Variants in ELF2 observed in about 807,000 individuals in gnomAD.
ELF2 encodes the protein E74 like ETS transcription factor 2, also known as ETS-related transcription factor Elf-2.
In ELF2, 11 loss-of-function variants were observed where a neutral mutation model predicts 54.8. The observed-to-expected ratio is 0.20, with a 90% confidence interval of 0.13 to 0.33. ELF2 has a LOEUF of 0.33. ELF2 is among the 10% of genes least tolerant of loss of function. The pLI, the probability that ELF2 is intolerant of heterozygous loss-of-function variation, is 1.00. For missense variants in ELF2, 513 were observed against 703.0 expected, an observed-to-expected ratio of 0.73 and a Z score of 3.06; for synonymous variants, 203 against 245.1, an observed-to-expected ratio of 0.83 and a Z score of 1.61.
At chr4:139,068,173 A>G (rs1728993123) in intron 6 of ELF2, among the ~76,000 whole-genome samples, 1 of 152,084 alleles carries the variant, frequency 6.6e-6, no homozygotes, top group Non-Finnish European at 1.5e-5. Flanking sequence ...GGCGCCTGCT[A>G]CCACACCCAG....
At chr4:139,137,915 G>A in intron 2 of ELF2, 48 bp from the exon 3 acceptor site, 1 of 1,225,074 alleles carries the variant, frequency 8.2e-7, no homozygotes, top group Non-Finnish European at 1.0e-6. Flanking sequence ...TTACAGGAAG[G>A]ACATAAATAA....
chr4:139,104,734 T>C (rs1476778945), intron 4 of ELF2, among the ~76,000 whole-genome samples: 4 of 152,144 alleles, frequency 2.6e-5, no homozygotes, highest in Admixed American at 2.6e-4. Context: ...AAATTAAAAA[T>C]AATGAGATTT....
intron 4 of ELF2, among the ~76,000 whole-genome samples, chr4:139,087,526 C>T (rs1247502128): frequency 6.6e-6 from 1 of 152,160 alleles, no homozygotes; most frequent in Admixed American, 6.5e-5. Context: ...AGTACAGTGG[C>T]GCGATCTCGG....
At chr4:139,151,031 AAAAAG>A (rs1560870945) in intron 1 of ELF2, among the ~76,000 whole-genome samples, 1 of 118,336 alleles carries the variant, frequency 8.5e-6, no homozygotes, top group South Asian at 2.5e-4. Context: ...CTCAAAAAAA[AAAAAG>A]AAAGAAAGAA....
At chr4:139,089,963 T>G (rs1732404607) in intron 4 of ELF2, among the ~76,000 whole-genome samples, 1 of 152,210 alleles carries the variant, frequency 6.6e-6, no homozygotes. Flanking sequence ...TGGGTCTCAC[T>G]CTGTCACTGA....
intron 4 of ELF2, among the ~76,000 whole-genome samples, chr4:139,111,355 A>AC (rs1734926592): frequency 6.9e-6 from 1 of 144,948 alleles, no homozygotes; most frequent in South Asian, 2.4e-4. Flanking sequence ...AAAATGATAT[A>AC]CTTTTTTTTT....
rs185874933 is a variant in ELF2 at position 139,147,950 on chromosome 4, C to T, written c.-251-8453G>A. 1.7e-4 allele frequency among the ~76,000 whole-genome samples: 26 copies of T among 151,816 alleles called. 1 individual carries two copies. In the East Asian group the frequency reaches 4.3e-3, roughly 25 times the overall value. ...TACAGGCATGCGCCACCAGGCCCAG[C>T]TAATTTTGTATTTTTAGTAGAGACA... On this transcript the variant is annotated intron_variant, in intron 1 of 9. Transcript: ENST00000686138.
chr4:139,102,142 T>G (rs1288228033), intron 4 of ELF2: 1 of 152,110 alleles, frequency 6.6e-6, no homozygotes, highest in Non-Finnish European at 1.5e-5. Flanking sequence ...ATCCTGCCTT[T>G]ATTTTCCAAC....
intron 1 of ELF2, among the ~76,000 whole-genome samples, chr4:139,150,007 C>A (rs1739703227): frequency 6.6e-6 from 1 of 152,170 alleles, no homozygotes; most frequent in South Asian, 2.1e-4. Flanking sequence ...CCAGTCTGGG[C>A]AACATGGTGA....
chr4:139,092,969 T>C (rs1422100742), intron 4 of ELF2, among the ~76,000 whole-genome samples: 2 of 149,698 alleles, frequency 1.3e-5, no homozygotes, highest in African/African-American at 2.4e-5. Flanking sequence ...TAAATAATTT[T>C]TTTTTTTTTT....
intron 4 of ELF2, among the ~76,000 whole-genome samples, chr4:139,121,145 G>A (rs1301100717): frequency 9.6e-6 from 1 of 103,998 alleles, no homozygotes; most frequent in Non-Finnish European, 1.7e-5. Context: ...GTCTTGCTCT[G>A]TCGCCCAGGC....
intron 3 of ELF2, among the ~76,000 whole-genome samples, chr4:139,132,904 T>G (rs1017222275): frequency 6.9e-6 from 1 of 145,454 alleles, no homozygotes; most frequent in Admixed American, 7.0e-5. Flanking sequence ...TTGGTGGGGG[T>G]GAGGGAGAGA....
intron 3 of ELF2, among the ~76,000 whole-genome samples, chr4:139,132,537 T>C (rs1287164250): frequency 2.0e-5 from 3 of 152,164 alleles, no homozygotes; most frequent in Admixed American, 2.0e-4. Flanking sequence ...TCTCAAATTT[T>C]ACATTGAAAT....
At chr4:139,070,674 T>A (rs1401407467) in intron 6 of ELF2, among the ~76,000 whole-genome samples, 1 of 152,224 alleles carries the variant, frequency 6.6e-6, no homozygotes, top group Non-Finnish European at 1.5e-5. Flanking sequence ...AGGCAGTGGG[T>A]AAATAAGGCT....
chr4:139,162,154 G>A (rs539183807), intron 1 of ELF2, among the ~76,000 whole-genome samples: 4 of 152,258 alleles, frequency 2.6e-5, no homozygotes, highest in South Asian at 2.1e-4. Flanking sequence ...AGCTGAGATC[G>A]TGCCATTGCA....
At chr4:139,125,421 T>G in intron 3 of ELF2, 92 bp from the exon 4 acceptor site, 1 of 1,437,468 alleles carries the variant, frequency 7.0e-7, no homozygotes. Context: ...TCTCGAGCAG[T>G]CCACATAATG....
In ELF2 at chr4:139,164,776, C is replaced by T. The variant is rs950767745; in HGVS notation, c.-252+12191G>A. Among the ~76,000 whole-genome samples the T allele has an allele frequency of 3.3e-5, 5 of 152,174 alleles. No homozygotes were observed. In the East Asian group the frequency reaches 9.6e-4, roughly 29 times the overall value. ...TCTGTTTCTTTAAGTTTTTAAACAT[C>T]TTCTGAACTGCAGCTTTACAGTTTA... On this transcript the variant is annotated intron_variant, in intron 1 of 9. Transcript: ENST00000686138.
rs1740534814 is a variant in ELF2, at chr4:139,156,343, TTTTG to T, written c.-251-16850_-251-16847del. Among the ~76,000 whole-genome samples, 3 of 151,996 alleles carry T rather than the reference TTTTG, an allele frequency of 2.0e-5. No homozygotes were observed. In the South Asian group the frequency reaches 6.2e-4, roughly 32 times the overall value. On this transcript the variant is annotated intron_variant, in intron 1 of 9. Coordinates refer to ENST00000686138, the MANE Select transcript of ELF2 (RefSeq NM_001331036.3). The stretch of plus-strand genomic sequence containing the variant: ...GGCACCCGCCACCATGCCTGGCTAA[TTTTG>T]TTTTTGTATTTTTAGTAGAGACTGG...
chr4:139,083,408 T>C (rs1368362908), intron 4 of ELF2, among the ~76,000 whole-genome samples: 2 of 152,198 alleles, frequency 1.3e-5, no homozygotes, highest in East Asian at 3.9e-4. Context: ...CCTAGTTTCT[T>C]CGCAGCCACC....
Sources: gnomAD v4.1 joint callset for allele counts (sites outside exome capture counted in the v4.1 genomes callset) on GRCh38, gnomAD v4.1.1 for gene constraint, MANE v1.5 for transcripts, NCBI Gene and HGNC (gene_info 2026-07-23, HGNC 2026-07-21) for gene names.